Variants in DENND3 observed in about 807,000 individuals in gnomAD.
DENND3 encodes DENN domain containing 3.
Under a neutral mutation model 135.1 loss-of-function variants are expected in DENND3, and 88 were observed. That is an observed-to-expected ratio of 0.65 (90% confidence interval 0.55 to 0.78). The LOEUF (loss-of-function observed/expected upper bound fraction) is 0.78, where lower values mean the gene tolerates loss of function less well. DENND3 is among the 30% of genes least tolerant of loss of function. The probability of loss-of-function intolerance (pLI) is 0.00; values close to 1 mark genes in which losing one functional copy is unlikely to be tolerated. For synonymous variants in DENND3, 693 were observed against 712.3 expected (o/e 0.97, Z 0.43); for missense variants, 1,392 against 1,688.4 (o/e 0.82, Z 3.08).
In DENND3 at chr8:141,151,766, C is replaced by T. The variant is rs368235736; in HGVS notation, c.1003C>T (p.Leu335=). ...CGTGCCCATCCTGTCGGACCAGATG[C>T]TGGATTTCGTCATGGCCCCCACGTC... is the stretch of plus-strand genomic sequence containing the variant. The part of the protein sequence containing the change: ...PFVPILSDQM[L]DFVMAPTSFL... Residue 335 remains leucine, a synonymous_variant, in exon 7 of 23, where the codon CTG becomes TTG. Transcript: ENST00000519811. 1.7e-5 allele frequency: 27 copies of T among 1,614,116 alleles called. No homozygotes were observed. Among genetic ancestry groups the T allele is most frequent in the Non-Finnish European group, 2.3e-5 (27 of 1,180,056 alleles).
intron 19 of DENND3, 40 bp from the exon 20 acceptor site, chr8:141,190,244 G>T (rs148028431): frequency 4.6e-6 from 7 of 1,516,934 alleles, no homozygotes; most frequent in Admixed American, 2.1e-5. Context: ...GTTTTCAGGG[G>T]CCCAAGTTAA....
In DENND3 at chr8:141,163,423, T is replaced by C. The variant is rs779780194; in HGVS notation, c.1443T>C (p.Tyr481=). Reference sequence around the variant, plus strand: ...GGGCTCCAGGGGACCATCAGTTTTATAAGCAGGTGAGAGCTGTGGGATTTG... The same window carrying C: ...GGGCTCCAGGGGACCATCAGTTTTACAAGCAGGTGAGAGCTGTGGGATTTG... The part of the protein sequence containing the change: ...KTRAPGDHQF[Y]KQVLDTYMFH... Residue 481 remains tyrosine, a synonymous_variant, in exon 10 of 23, where the codon TAT becomes TAC. Coordinates refer to ENST00000519811, the MANE Select transcript of DENND3 (RefSeq NM_001352890.3). 3.7e-6 allele frequency: 6 copies of C among 1,609,448 alleles called. No individual in the cohort carries two copies. In the South Asian group the frequency reaches 6.6e-5, roughly 18 times the overall value.
At chr8:141,177,891 T>C (rs564628473) in intron 15 of DENND3, 176 bp from the exon 16 acceptor site, 3 of 787,154 alleles carry the variant, frequency 3.8e-6, no homozygotes, top group Admixed American at 6.8e-5. Flanking sequence ...AATATTTGTC[T>C]TAAGTAAGAG....
intron 17 of DENND3, among the ~76,000 whole-genome samples, chr8:141,184,147 T>C (rs748330768): frequency 6.6e-6 from 1 of 152,206 alleles, no homozygotes; most frequent in Non-Finnish European, 1.5e-5. Flanking sequence ...GAAGACACTT[T>C]TGAGAGGGTG....
chr8:141,135,670 C>T (rs774790475), intron 1 of DENND3, among the ~76,000 whole-genome samples: 3 of 152,182 alleles, frequency 2.0e-5, no homozygotes, highest in Admixed American at 6.5e-5. Context: ...TTTGTCCTAG[C>T]TCTGTACTAG....
Position 141,175,608 on chromosome 8 carries a change from C to T in DENND3, c.2535+149C>T, listed in dbSNP as rs1401913412. The T allele has an allele frequency of 1.6e-6, 2 of 1,251,672 alleles. No individual in the cohort carries two copies. The highest frequency in any genetic ancestry group is 1.5e-5 in the African/African-American group (1 of 67,900). The allele number at this position is 1,251,672 out of a possible 1,614,324, so 77.5% of individuals were successfully genotyped here. A position where few individuals can be genotyped will look rare whatever the true frequency, so the allele number is the denominator to read the frequency against. ...ATGCCTTCCTGTCCCTCAGTTTGCT[C>T]ATCTGTAAAGTAGGAATAAGGCTGA... On this transcript the variant is annotated intron_variant, in intron 14 of 22. Coordinates refer to ENST00000519811, the MANE Select transcript of DENND3 (RefSeq NM_001352890.3). The surrounding 1 kb of genome is among the most constrained non-coding windows in gnomAD (Gnocchi z 5.4).
chr8:141,140,713 C>T (rs1193829541), intron 3 of DENND3, among the ~76,000 whole-genome samples: 2 of 152,238 alleles, frequency 1.3e-5, no homozygotes, highest in Non-Finnish European at 2.9e-5. Context: ...ACTAACAACA[C>T]TTCCCCAGTT....
Position 141,155,212 on chromosome 8 carries a change from G to A in DENND3, c.1075-637G>A, listed in dbSNP as rs972031239. Among the ~76,000 whole-genome samples the A allele has an allele frequency of 3.3e-5, 5 of 152,136 alleles. No individual in the cohort carries two copies. The East Asian group carries it at 5.8e-4, about 18-fold the overall frequency. ...GGGGGAGATGCTTGCACAACCACTC[G>A]AATGCACTTACACTGTCGAGCTGCA... On this transcript the variant is annotated intron_variant, in intron 7 of 22. Transcript: ENST00000519811.
Position 141,168,469 on chromosome 8 carries a change from C to T in DENND3, c.2219C>T (p.Ser740Leu). The T allele has an allele frequency of 6.2e-7, 1 of 1,613,562 alleles. No individual in the cohort carries two copies. The highest frequency in any genetic ancestry group is 8.5e-7 in the Non-Finnish European group (1 of 1,179,968). Residue 740 changes from serine to leucine, a missense_variant, in exon 13 of 23, where the codon TCA (serine) becomes TTA (leucine). By Grantham distance (145) the Ser-to-Leu change is moderately radical. Transcript: ENST00000519811. The surrounding 1 kb of genome is among the most constrained non-coding windows in gnomAD (Gnocchi z 6.2). ...GACTTCATGAAGCGGGTCCAGGAGT[C>T]AGGGATCGTGAAGGACGCCAGCATC... ...LGDFMKRVQESGIVKDASIIH... is the reference protein window; with the variant it reads ...LGDFMKRVQELGIVKDASIIH...
chr8:141,150,413 C>A, intron 5 of DENND3: 2 of 913,498 alleles, frequency 2.2e-6, no homozygotes, highest in Non-Finnish European at 1.5e-6. Context: ...GGAGCTTTGA[C>A]TATTAAATTG....
chr8:141,176,876 C>T (rs73713349), intron 15 of DENND3, 115 bp downstream of exon 15: 2 of 1,189,992 alleles, frequency 1.7e-6, no homozygotes, highest in African/African-American at 1.5e-5. Flanking sequence ...GTCTGAGTGT[C>T]TTAAGCAGAG....
At chr8:141,188,899 A>T in intron 18 of DENND3, 87 bp from the exon 19 acceptor site, 3 of 1,505,644 alleles carry the variant, frequency 2.0e-6, no homozygotes, top group Non-Finnish European at 2.7e-6. Flanking sequence ...ATATCCGCTA[A>T]TTCAGCACGT....
Position 141,188,970 on chromosome 8 carries a change from C to G in DENND3, c.3085-16C>G, listed in dbSNP as rs769991243. 18 of 1,607,888 alleles carry G rather than the reference C, an allele frequency of 1.1e-5. No homozygotes were observed. The highest frequency in any genetic ancestry group is 1.5e-5 in the Non-Finnish European group (18 of 1,177,432). ...GAGACTGACTGATTTCTCACGTTCC[C>G]GTGGCCTCCTGTTAGAACTGCATGG... On this transcript the variant is annotated splice_polypyrimidine_tract_variant and intron_variant, in intron 18 of 22. Coordinates refer to ENST00000519811, the MANE Select transcript of DENND3 (RefSeq NM_001352890.3).
intron 17 of DENND3, among the ~76,000 whole-genome samples, chr8:141,184,123 A>T (rs1823572749): frequency 6.6e-6 from 1 of 152,254 alleles, no homozygotes; most frequent in Admixed American, 6.5e-5. Context: ...AGACCCTGCC[A>T]CAGGAAATGG....
In DENND3 at chr8:141,141,882, A is replaced by G. The variant is rs920560243; in HGVS notation, c.623+558A>G. The G allele has an allele frequency of 5.4e-6, 1 of 184,544 alleles. No individual in the cohort carries two copies. The highest frequency in any genetic ancestry group is 5.4e-5 in the Admixed American group (1 of 18,512). 11.4% of individuals were successfully genotyped at this position (184,544 alleles called of 1,614,324 possible). Reference sequence around the variant, plus strand: ...ACATAGCAATACCCTGTCTCTAAAAAACAATTTAAAAACTAGTTGGGCATG... The same window carrying G: ...ACATAGCAATACCCTGTCTCTAAAAGACAATTTAAAAACTAGTTGGGCATG... On this transcript the variant is annotated intron_variant, in intron 4 of 22. Transcript: ENST00000519811. This position sits in a 1 kb window ranked among gnomAD's most constrained non-coding sequence, Gnocchi z 5.3.
intron 8 of DENND3, among the ~76,000 whole-genome samples, chr8:141,159,546 G>A (rs1015005034): frequency 2.6e-5 from 4 of 152,160 alleles, no homozygotes; most frequent in African/African-American, 9.7e-5. Context: ...ATTATCTCCT[G>A]TTTTCTTGAT....
At position 141,128,893 on chromosome 8, in the gene DENND3, T is replaced by G; in HGVS notation, c.102+84T>G. On this transcript the variant is annotated intron_variant, in intron 1 of 22. Transcript: ENST00000519811. The surrounding 1 kb of genome is among the most constrained non-coding windows in gnomAD (Gnocchi z 4.5). ...TCGGAGAGCGGGCGCCCGGGTGCCC[T>G]GTGGGTTGGCGCGGACTTTCCGAGG... The G allele has an allele frequency of 9.5e-7, 1 of 1,053,078 alleles. No homozygotes were observed. The highest frequency in any genetic ancestry group is 1.3e-6 in the Non-Finnish European group (1 of 794,036). The allele number at this position is 1,053,078 out of a possible 1,614,324, so 65.2% of individuals were successfully genotyped here. A position where few individuals can be genotyped will look rare whatever the true frequency, so the allele number is the denominator to read the frequency against.
chr8:141,143,828 G>A (rs1430246148), intron 4 of DENND3: 3 of 237,862 alleles, frequency 1.3e-5, no homozygotes, highest in Admixed American at 1.1e-4. Flanking sequence ...TAAAACACAC[G>A]TACAGACAAA....
chr8:141,128,730 A>G lies in DENND3; in HGVS notation c.23A>G (p.His8Arg). MAEAASPHLSLPSGLLEL... is the reference protein window; with the variant it reads MAEAASPRLSLPSGLLEL... ...GCCATGGCGGAGGCCGCGTCGCCGC[A>G]CTTGTCGCTGCCCTCGGGGCTGCTG... is the stretch of plus-strand genomic sequence containing the variant. The change falls in exon 1 of 23, where the codon CAC becomes CGC. Residue 8 changes from histidine (H) to arginine (R), a missense_variant. By Grantham distance (29) the His-to-Arg change is conservative. Coordinates refer to ENST00000519811, the MANE Select transcript of DENND3 (RefSeq NM_001352890.3). This position sits in a 1 kb window ranked among gnomAD's most constrained non-coding sequence, Gnocchi z 4.5. 1 of 1,436,354 alleles carries G rather than the reference A, an allele frequency of 7.0e-7. No homozygotes were observed. The highest frequency in any genetic ancestry group is 9.1e-7 in the Non-Finnish European group (1 of 1,096,418). The allele number at this position is 1,436,354 out of a possible 1,614,324, so 89.0% of individuals were successfully genotyped here.
Sources: allele counts gnomAD v4.1 joint callset (sites outside exome capture counted in the v4.1 genomes callset), GRCh38; gene constraint gnomAD v4.1.1; non-coding constraint Gnocchi (gnomAD v3.1); transcripts MANE v1.5; gene names NCBI Gene and HGNC (gene_info 2026-07-23, HGNC 2026-07-21).